CFAP299: variants seen among roughly 807,000 people sequenced by gnomAD.
The protein encoded by CFAP299 is cilia and flagella associated protein 299, also known as cilia- and flagella-associated protein 299.
Under a neutral mutation model 27.0 loss-of-function variants are expected in CFAP299, and 21 were observed. The observed-to-expected ratio is 0.78, with a 90% confidence interval of 0.55 to 1.12. The LOEUF is 1.12. CFAP299 is among the 50% of genes most tolerant of loss of function. CFAP299 has a pLI of 0.00. For synonymous variants in CFAP299, 104 were observed against 98.1 expected, an observed-to-expected ratio of 1.06 and a Z score of -0.36; for missense variants, 310 against 276.6, an observed-to-expected ratio of 1.12 and a Z score of -0.86.
At chr4:80,410,689 A>G (rs1278493573) in intron 2 of CFAP299, among the ~76,000 whole-genome samples, 5 of 152,250 alleles carry the variant, frequency 3.3e-5, no homozygotes, top group African/African-American at 1.2e-4. Context: ...CTAATGTTAT[A>G]TTGAAGATGA....
intron 3 of CFAP299, among the ~76,000 whole-genome samples, chr4:80,596,482 C>A (rs984569436): frequency 4.0e-5 from 6 of 151,882 alleles, no homozygotes; most frequent in African/African-American, 1.5e-4. Context: ...ATATTTAGGG[C>A]TTTTTAAGGT....
chr4:80,880,149 G>A (rs1733621011), intron 4 of CFAP299, among the ~76,000 whole-genome samples: 1 of 152,030 alleles, frequency 6.6e-6, no homozygotes, highest in African/African-American at 2.4e-5. Flanking sequence ...GGAGAAAGGG[G>A]GGGAGAGAAT....
intron 2 of CFAP299, among the ~76,000 whole-genome samples, chr4:80,426,841 C>T (rs914602717): frequency 6.6e-6 from 1 of 152,172 alleles, no homozygotes; most frequent in Non-Finnish European, 1.5e-5. Flanking sequence ...ATGACTCTGT[C>T]CTGACACTCT....
intron 4 of CFAP299, among the ~76,000 whole-genome samples, chr4:80,921,786 G>C (rs988948739): frequency 4.2e-4 from 64 of 152,090 alleles, no homozygotes; most frequent in Non-Finnish European, 6.5e-4. Flanking sequence ...AGCTGCTGCT[G>C]AGGGCCTGAA....
At chr4:80,828,649 C>G (rs372651521) in intron 3 of CFAP299, among the ~76,000 whole-genome samples, 1 of 151,948 alleles carries the variant, frequency 6.6e-6, no homozygotes, top group East Asian at 1.9e-4. Context: ...GCCTGCTCCC[C>G]CTTCACCTTC....
At chr4:80,660,858 C>T (rs1045858350) in intron 3 of CFAP299, among the ~76,000 whole-genome samples, 2 of 152,102 alleles carry the variant, frequency 1.3e-5, no homozygotes, top group African/African-American at 4.8e-5. Flanking sequence ...CAGCAGTACC[C>T]AGGGATGTAG....
chr4:80,412,955 G>A (rs1726800404), intron 2 of CFAP299, among the ~76,000 whole-genome samples: 1 of 152,182 alleles, frequency 6.6e-6, no homozygotes. Context: ...GTGTGTTATG[G>A]AAGACTCTGC....
intron 3 of CFAP299, among the ~76,000 whole-genome samples, chr4:80,606,666 C>T (rs1737694570): frequency 1.3e-5 from 2 of 152,228 alleles, no homozygotes; most frequent in African/African-American, 2.4e-5. Flanking sequence ...AGACTCTACA[C>T]GTGCTCTTCC....
At chr4:80,416,739 A>G (rs1401970660) in intron 2 of CFAP299, among the ~76,000 whole-genome samples, 3 of 152,236 alleles carry the variant, frequency 2.0e-5, no homozygotes, top group African/African-American at 4.8e-5. Flanking sequence ...ATCTCCCTGC[A>G]TATAAATGTA....
intron 2 of CFAP299, chr4:80,386,502 CGGGCGGTGGTGGGGGGG>C (rs1458432210): frequency 1.2e-5 from 18 of 1,474,754 alleles, no homozygotes; most frequent in Non-Finnish European, 1.5e-5. Context: ...CCTCTTCTCG[CGGGCGGTGGTGGGGGGG>C]GGGGGTGCCG....
intron 3 of CFAP299, among the ~76,000 whole-genome samples, chr4:80,812,025 G>A (rs926580015): frequency 1.3e-5 from 2 of 151,888 alleles, no homozygotes; most frequent in Non-Finnish European, 2.9e-5. Context: ...CTACAATAGC[G>A]GACACGTAGT....
intron 3 of CFAP299, among the ~76,000 whole-genome samples, chr4:80,633,084 A>G (rs913568211): frequency 6.6e-6 from 1 of 152,182 alleles, no homozygotes; most frequent in African/African-American, 2.4e-5. Context: ...CTATCTTATC[A>G]CCATAATTTC....
At chr4:80,386,953 G>A (rs9307678) in intron 2 of CFAP299, 518,097 of 894,390 alleles carry the variant, frequency 0.58, 159,435 homozygotes, top group Non-Finnish European at 0.65. Context: ...TGCACCCGCC[G>A]GGAGGACTTC....
chr4:80,384,868 ATTAAATTTTAT>A (rs1232150299), intron 2 of CFAP299, among the ~76,000 whole-genome samples: 1 of 152,114 alleles, frequency 6.6e-6, no homozygotes, highest in African/African-American at 2.4e-5. Context: ...TTCTTTTTTA[ATTAAATTTTAT>A]TTTAAAATGT....
At chr4:80,704,950 C>T (rs2110030908) in intron 3 of CFAP299, among the ~76,000 whole-genome samples, 1 of 151,800 alleles carries the variant, frequency 6.6e-6, no homozygotes, top group East Asian at 1.9e-4. Flanking sequence ...GGCTCAGCCA[C>T]ATTTTCTATG....
At chr4:80,699,507 C>G (rs1253958640) in intron 3 of CFAP299, among the ~76,000 whole-genome samples, 1 of 152,126 alleles carries the variant, frequency 6.6e-6, no homozygotes, top group Non-Finnish European at 1.5e-5. Flanking sequence ...CATTCTGTGG[C>G]AAAATGGGCA....
chr4:80,360,925 T>C (rs1308819013), intron 1 of CFAP299, among the ~76,000 whole-genome samples: 2 of 152,186 alleles, frequency 1.3e-5, no homozygotes, highest in Non-Finnish European at 2.9e-5. Context: ...AAAAGTTGTG[T>C]TCGAATATGC....
chr4:80,658,830 A>G (rs1740690408), intron 3 of CFAP299, among the ~76,000 whole-genome samples: 1 of 152,170 alleles, frequency 6.6e-6, no homozygotes, highest in African/African-American at 2.4e-5. Flanking sequence ...ACTGAATCTT[A>G]AAGACATAGA....
At chr4:80,851,921 G>A (rs1488446769) in intron 3 of CFAP299, among the ~76,000 whole-genome samples, 1 of 152,064 alleles carries the variant, frequency 6.6e-6, no homozygotes. Flanking sequence ...GGAAGATTCA[G>A]CTGGTGTTTA....
Sources: gnomAD v4.1 joint callset for allele counts (sites outside exome capture counted in the v4.1 genomes callset) on GRCh38, gnomAD v4.1.1 for gene constraint, MANE v1.5 for transcripts, NCBI Gene and HGNC (gene_info 2026-07-23, HGNC 2026-07-21) for gene names.